The following PDE11A variants were observed in gnomAD, a reference collection of about 807,000 sequenced individuals.
The protein encoded by PDE11A is phosphodiesterase 11A.
Under a neutral mutation model 100.5 loss-of-function variants are expected in PDE11A, and 100 were observed. The observed-to-expected ratio is 1.00, with a 90% CI of 0.85 to 1.18. The LOEUF (loss-of-function observed/expected upper bound fraction) is 1.18, where lower values mean the gene tolerates loss of function less well. Among genes scored for constraint, PDE11A ranks in the 50% most tolerant of loss-of-function variants. The pLI is 0.00. For synonymous variants in PDE11A, 381 were observed against 420.8 expected, an observed-to-expected ratio of 0.91 and a Z score of 1.16; for missense variants, 1,141 against 1,152.6, an observed-to-expected ratio of 0.99 and a Z score of 0.15.
intron 2 of PDE11A, among the ~76,000 whole-genome samples, chr2:177,941,415 G>A (rs1242871064): frequency 6.6e-6 from 1 of 152,090 alleles, no homozygotes; most frequent in Non-Finnish European, 1.5e-5. Context: ...TGATGCAAGT[G>A]TTTGTATAGC....
chr2:178,033,519 G>A (rs190875015), intron 1 of PDE11A, among the ~76,000 whole-genome samples: 2 of 152,208 alleles, frequency 1.3e-5, no homozygotes, highest in African/African-American at 2.4e-5. Context: ...AGCAAGACAG[G>A]CCAACATTCA....
intron 12 of PDE11A, among the ~76,000 whole-genome samples, chr2:177,714,024 C>T (rs184084489): frequency 1.4e-3 from 139 of 101,668 alleles, no homozygotes; most frequent in Admixed American, 6.0e-3. Flanking sequence ...GACGGAGTCT[C>T]TCTCTGTCGC....
At chr2:177,873,018 T>A (rs1017543461) in intron 5 of PDE11A, among the ~76,000 whole-genome samples, 3 of 152,222 alleles carry the variant, frequency 2.0e-5, no homozygotes, top group African/African-American at 4.8e-5. Flanking sequence ...ACTTTTCAAA[T>A]GTCTCTTTAA....
intron 1 of PDE11A, among the ~76,000 whole-genome samples, chr2:178,021,231 G>A (rs2086407942): frequency 6.6e-6 from 1 of 151,912 alleles, no homozygotes; most frequent in Non-Finnish European, 1.5e-5. Flanking sequence ...CAAAGTGCTG[G>A]GATTACAGGC....
chr2:177,725,772 C>A (rs1260685043), intron 12 of PDE11A, among the ~76,000 whole-genome samples: 1 of 152,096 alleles, frequency 6.6e-6, no homozygotes, highest in African/African-American at 2.4e-5. Flanking sequence ...TTTCCTTTTG[C>A]TCCTAAGTGT....
chr2:177,945,749 C>A (rs1170009922), intron 2 of PDE11A, among the ~76,000 whole-genome samples: 7 of 151,102 alleles, frequency 4.6e-5, no homozygotes, highest in Non-Finnish European at 7.4e-5. Context: ...GCCCCCCGCC[C>A]GGCCAGCTGC....
chr2:177,873,368 A>G (rs2084174698), intron 5 of PDE11A, among the ~76,000 whole-genome samples: 1 of 152,180 alleles, frequency 6.6e-6, no homozygotes, highest in African/African-American at 2.4e-5. Flanking sequence ...ATAACATTCT[A>G]TTTAGGAAAA....
At chr2:177,824,097 GT>G (rs113871611) in intron 6 of PDE11A, among the ~76,000 whole-genome samples, 49 of 148,806 alleles carry the variant, frequency 3.3e-4, no homozygotes, top group Middle Eastern at 3.5e-3. Flanking sequence ...CCCCAAAAGA[GT>G]TTTTTTTTTT....
At chr2:177,865,416 T>TA (rs1243785480) in intron 5 of PDE11A, among the ~76,000 whole-genome samples, 1 of 152,312 alleles carries the variant, frequency 6.6e-6, no homozygotes, top group East Asian at 1.9e-4. Context: ...GGTGCGAATG[T>TA]AAAATGGTAT....
intron 9 of PDE11A, among the ~76,000 whole-genome samples, chr2:177,814,247 T>C (rs578167572): frequency 5.3e-5 from 8 of 151,180 alleles, no homozygotes; most frequent in Non-Finnish European, 1.2e-4. Flanking sequence ...CTTACACATA[T>C]TCATATATAA....
chr2:177,668,950 CGTAAA>C (rs771757155), intron 18 of PDE11A, among the ~76,000 whole-genome samples: 10 of 152,208 alleles, frequency 6.6e-5, no homozygotes, highest in South Asian at 2.1e-4. Context: ...TCATCTTGAG[CGTAAA>C]GTAAACATTC....
At chr2:177,732,694 A>G (rs542244382) in intron 10 of PDE11A, among the ~76,000 whole-genome samples, 35 of 152,346 alleles carry the variant, frequency 2.3e-4, no homozygotes, top group South Asian at 4.1e-4. Context: ...AAATAAGAAC[A>G]TTACGTTGAA....
intron 13 of PDE11A, among the ~76,000 whole-genome samples, chr2:177,708,524 T>C (rs1178363313): frequency 1.3e-5 from 2 of 152,200 alleles, no homozygotes; most frequent in Non-Finnish European, 2.9e-5. Context: ...TATCAGGTAC[T>C]GGGCTTAATA....
upstream of PDE11A, among the ~76,000 whole-genome samples, chr2:178,077,412 A>G (rs1574386806): frequency 3.3e-5 from 5 of 151,848 alleles, no homozygotes; most frequent in South Asian, 1.0e-3. Context: ...CATCTCCAAG[A>G]TCACTCTCAC....
chr2:177,651,607 T>G (rs2080310082), intron 19 of PDE11A, among the ~76,000 whole-genome samples: 1 of 148,618 alleles, frequency 6.7e-6, no homozygotes, highest in African/African-American at 2.6e-5. Context: ...CTGCCTCCTC[T>G]TAGGCCCTCT....
chr2:177,840,591 G>T (rs1000937668), intron 5 of PDE11A, among the ~76,000 whole-genome samples: 1 of 152,156 alleles, frequency 6.6e-6, no homozygotes, highest in African/African-American at 2.4e-5. Context: ...AAATCCATGG[G>T]CAGAAACCAT....
intron 2 of PDE11A, among the ~76,000 whole-genome samples, chr2:177,933,068 CCACA>C (rs58818826): frequency 3.4e-5 from 5 of 146,892 alleles, no homozygotes; most frequent in Middle Eastern, 3.2e-3. Context: ...TTTACAATAG[CCACA>C]CACACACACA....
chr2:177,964,310 C>T (rs115994862), intron 2 of PDE11A, among the ~76,000 whole-genome samples: 8 of 152,094 alleles, frequency 5.3e-5, no homozygotes, highest in Non-Finnish European at 7.4e-5. Flanking sequence ...TCTATTTCTC[C>T]GAGTTAATCA....
intron 9 of PDE11A, among the ~76,000 whole-genome samples, chr2:177,787,658 G>C (rs2082558255): frequency 6.7e-6 from 1 of 148,616 alleles, no homozygotes; most frequent in Non-Finnish European, 1.5e-5. Flanking sequence ...CACGTGCAGA[G>C]ACACACATAG....
Sources: gnomAD v4.1 joint callset for allele counts (sites outside exome capture counted in the v4.1 genomes callset) on GRCh38, gnomAD v4.1.1 for gene constraint, MANE v1.5 for transcripts, NCBI Gene and HGNC (gene_info 2026-07-23, HGNC 2026-07-21) for gene names.